VPS53: variants seen among roughly 807,000 people sequenced by gnomAD.
The protein encoded by VPS53 is VPS53 subunit of GARP complex.
In VPS53, 70 loss-of-function variants were observed where a neutral mutation model predicts 107.0. The ratio of observed to expected loss-of-function variants is 0.65; its 90% CI spans 0.54 to 0.80. The LOEUF is 0.80. Ranked by LOEUF, VPS53 falls within the 30% of genes least tolerant of loss-of-function variation. The pLI, the probability that VPS53 is intolerant of heterozygous loss-of-function variation, is 0.00. For missense variants in VPS53, 917 were observed against 1,049.4 expected, an observed-to-expected ratio of 0.87 and a Z score of 1.74; for synonymous variants, 409 against 393.3, an observed-to-expected ratio of 1.04 and a Z score of -0.47.
chr17:646,147 A>C (rs1319891587), intron 7 of VPS53, among the ~76,000 whole-genome samples: 13 of 98,614 alleles, frequency 1.3e-4, no homozygotes, highest in South Asian at 7.5e-4. Context: ...CCTCTGCCTG[A>C]TAAGGGTCTT....
At chr17:703,050 A>C (rs1028059077) in intron 2 of VPS53, among the ~76,000 whole-genome samples, 3 of 152,114 alleles carry the variant, frequency 2.0e-5, no homozygotes, top group South Asian at 4.1e-4. Context: ...TCTACCAAAA[A>C]TACAAAAAAC....
intron 4 of VPS53, among the ~76,000 whole-genome samples, chr17:682,834 G>A (rs1383069445): frequency 6.6e-6 from 1 of 152,216 alleles, no homozygotes; most frequent in East Asian, 1.9e-4. Flanking sequence ...TCAAAGAGGA[G>A]CCATTTGGTA....
intron 12 of VPS53, among the ~76,000 whole-genome samples, chr17:587,123 C>T (rs1308099713): frequency 2.6e-5 from 4 of 152,038 alleles, no homozygotes; most frequent in South Asian, 2.1e-4. Context: ...AGTGCAGTGG[C>T]GCCATCTCAG....
intron 13 of VPS53, among the ~76,000 whole-genome samples, chr17:574,985 G>C (rs1204004984): frequency 6.6e-6 from 1 of 152,208 alleles, no homozygotes; most frequent in Non-Finnish European, 1.5e-5. Context: ...AGAAGACAGG[G>C]TGCTCTCAAG....
In VPS53 at chr17:669,592, T is replaced by TAAAAAA. The variant is rs200157618; in HGVS notation, c.286-7703_286-7698dup. On this transcript the variant is annotated intron_variant, in intron 4 of 21. Coordinates refer to ENST00000437048, the MANE Select transcript of VPS53 (RefSeq NM_001128159.3). ...TGGGTGACAGAGACATACTCTGTCT[T>TAAAAAA]AAAAAAAAAAAAAAAATTAGGCCAG... Among the ~76,000 whole-genome samples the TAAAAAA allele has an allele frequency of 6.5e-3, 714 of 110,254 alleles. 32 individuals carry two copies. Among genetic ancestry groups the TAAAAAA allele is most frequent in the Admixed American group, 0.054 (522 of 9,740 alleles). 72.3% of individuals were successfully genotyped at this position (110,254 alleles called of 152,430 possible). A position where few individuals can be genotyped will look rare whatever the true frequency, so the allele number is the denominator to read the frequency against.
chr17:574,861 G>A (rs1226133889), intron 13 of VPS53, among the ~76,000 whole-genome samples: 1 of 152,208 alleles, frequency 6.6e-6, no homozygotes, highest in Admixed American at 6.5e-5. Flanking sequence ...TGGCTGAAAA[G>A]AGTCATCCAG....
At chr17:630,870 G>A (rs1299202939) in intron 8 of VPS53, among the ~76,000 whole-genome samples, 1 of 152,246 alleles carries the variant, frequency 6.6e-6, no homozygotes. Context: ...AAACAATAGA[G>A]AAAAAGTCTC....
intron 14 of VPS53, 69 bp downstream of exon 14, chr17:562,434 T>A: frequency 6.3e-7 from 1 of 1,590,782 alleles, no homozygotes. Flanking sequence ...AACTTCAGAG[T>A]GGATTTCCTT....
intron 5 of VPS53, chr17:657,077 G>A: frequency 1.0e-6 from 1 of 973,564 alleles, no homozygotes; most frequent in South Asian, 1.3e-5. Flanking sequence ...GATGAAATCG[G>A]TCATCTTGCC....
At chr17:657,070 G>A (rs1971224616) in intron 5 of VPS53, 2 of 948,282 alleles carry the variant, frequency 2.1e-6, no homozygotes, top group Admixed American at 1.7e-5. Context: ...CGAACGTGAT[G>A]AAATCGGTCA....
chr17:658,009 T>G (rs1184308028), intron 5 of VPS53, among the ~76,000 whole-genome samples: 5 of 96,794 alleles, frequency 5.2e-5, no homozygotes, highest in African/African-American at 1.7e-4. Context: ...TACTCGGCCG[T>G]GAGTTCGTGG....
chr17:677,364 A>C (rs1972210323), intron 4 of VPS53, among the ~76,000 whole-genome samples: 1 of 152,254 alleles, frequency 6.6e-6, no homozygotes. Context: ...CAAATATTGT[A>C]GAATTCCACT....
At chr17:584,126 T>C (rs1337418510) in intron 13 of VPS53, among the ~76,000 whole-genome samples, 1 of 152,232 alleles carries the variant, frequency 6.6e-6, no homozygotes, top group Non-Finnish European at 1.5e-5. Flanking sequence ...CCCTCAGGAC[T>C]TTCCTGCAGC....
intron 15 of VPS53, 112 bp from the exon 16 acceptor site, chr17:553,574 C>CTTTT (rs35437010): frequency 9.9e-5 from 55 of 553,304 alleles, no homozygotes; most frequent in East Asian, 2.0e-4. Flanking sequence ...ATTCCATACA[C>CTTTT]TTTTTTTTTT....
At chr17:598,921 C>T (rs1215751127) in intron 12 of VPS53, among the ~76,000 whole-genome samples, 2 of 15,530 alleles carry the variant, frequency 1.3e-4, no homozygotes, top group Non-Finnish European at 2.7e-4. Context: ...AGGTGAGGGG[C>T]GCCTCTGCCC....
At position 671,977 on chromosome 17, in the gene VPS53, A is replaced by G. The variant is rs1971966671; in HGVS notation, c.286-10082T>C. On this transcript the variant is annotated intron_variant, in intron 4 of 21. Coordinates refer to ENST00000437048, the MANE Select transcript of VPS53 (RefSeq NM_001128159.3). ...GCTGGGATTACAGGCGTGAGCCACCAGAATGAGAATTGGGAAAAAGAGTTT... is the reference window on the plus strand; with the variant it reads ...GCTGGGATTACAGGCGTGAGCCACCGGAATGAGAATTGGGAAAAAGAGTTT... Among the ~76,000 whole-genome samples, 4 of 151,896 alleles carry G rather than the reference A, an allele frequency of 2.6e-5. No homozygotes were observed. The South Asian group carries it at 8.3e-4, about 32-fold the overall frequency.
intron 17 of VPS53, among the ~76,000 whole-genome samples, chr17:548,558 G>A (rs533773033): frequency 3.5e-5 from 4 of 114,302 alleles, no homozygotes; most frequent in South Asian, 5.4e-4. Context: ...CTCCACTTTG[G>A]CCAGCCAACA....
intron 4 of VPS53, among the ~76,000 whole-genome samples, chr17:662,505 C>T (rs2543778): frequency 0.69 from 104,390 of 151,620 alleles, 36,219 homozygotes; most frequent in East Asian, 0.84. Context: ...CTGGCTAACA[C>T]GGTGAAACCC....
At chr17:674,046 G>A (rs907212425) in intron 4 of VPS53, 4 of 152,194 alleles carry the variant, frequency 2.6e-5, no homozygotes, top group African/African-American at 7.2e-5. Context: ...AAATAGCTGC[G>A]AGTGACGGAT....
Sources: gnomAD v4.1 joint callset for allele counts (sites outside exome capture counted in the v4.1 genomes callset) on GRCh38, gnomAD v4.1.1 for gene constraint, MANE v1.5 for transcripts, NCBI Gene and HGNC (gene_info 2026-07-23, HGNC 2026-07-21) for gene names.